The following MED13L variants were observed in gnomAD, a reference collection of about 807,000 sequenced individuals.
MED13L encodes the protein mediator complex subunit 13L.
MED13L carries 7 observed loss-of-function variants against 220.9 expected under a neutral mutation model. The observed-to-expected ratio is 0.03, with a 90% CI of 0.02 to 0.06. MED13L has a LOEUF of 0.06. Among genes scored for constraint, MED13L ranks in the 10% least tolerant of loss-of-function variants. MED13L has a pLI of 1.00. For missense variants in MED13L, 1,965 were observed against 2,760.5 expected (o/e 0.71, Z 6.46); for synonymous variants, 1,011 against 1,015.2 (o/e 1.00, Z 0.08).
intron 12 of MED13L, 134 bp downstream of exon 12, chr12:116,006,172 C>A: frequency 8.0e-7 from 1 of 1,253,658 alleles, no homozygotes; most frequent in Non-Finnish European, 1.1e-6. Flanking sequence ...AACTGAAAAA[C>A]AAACTATGAA....
At chr12:116,176,088 G>A (rs919462608) in intron 2 of MED13L, among the ~76,000 whole-genome samples, 1 of 152,124 alleles carries the variant, frequency 6.6e-6, no homozygotes, top group East Asian at 1.9e-4. Context: ...AAAAAAAGTG[G>A]ATCAGGAATA....
At position 116,188,157 on chromosome 12, in the gene MED13L, AGCT is replaced by A. The variant is rs530169265; in HGVS notation, c.310+49308_310+49310del. ...AAAAAAAAAATCACTGTCATGTCAC[AGCT>A]GCTATTATTAATCCTGAAAAGAAAT... On this transcript the variant is annotated intron_variant, in intron 2 of 30. Transcript: ENST00000281928. Among the ~76,000 whole-genome samples, 210 of 152,294 alleles carry A rather than the reference AGCT, an allele frequency of 1.4e-3. 3 individuals are homozygous for A. Among genetic ancestry groups the A allele is most frequent in the African/African-American group, 4.6e-3 (192 of 41,580 alleles).
At chr12:115,982,666 A>G in intron 21 of MED13L, 63 bp from the exon 22 acceptor site, 1 of 1,364,498 alleles carries the variant, frequency 7.3e-7, no homozygotes, top group Non-Finnish European at 1.0e-6. Flanking sequence ...CATGAAAAAC[A>G]AAAGGGCTCA....
At chr12:116,254,003 C>T (rs1233202038) in intron 1 of MED13L, among the ~76,000 whole-genome samples, 3 of 151,964 alleles carry the variant, frequency 2.0e-5, no homozygotes, top group Admixed American at 1.3e-4. Context: ...TCAAGTGATC[C>T]ACCCACCTCG....
At chr12:116,238,263 T>G (rs1163680347) in intron 1 of MED13L, among the ~76,000 whole-genome samples, 1 of 152,232 alleles carries the variant, frequency 6.6e-6, no homozygotes, top group Non-Finnish European at 1.5e-5. Context: ...ATCAGCAATT[T>G]ATTCATGTTT....
chr12:116,201,275 A>G (rs1401036795), intron 2 of MED13L, among the ~76,000 whole-genome samples: 1 of 152,200 alleles, frequency 6.6e-6, no homozygotes, highest in Non-Finnish European at 1.5e-5. Context: ...ACAAGATTAG[A>G]TCAGGTAAGC....
chr12:116,269,100 T>C (rs1284997395), intron 1 of MED13L, among the ~76,000 whole-genome samples: 1 of 152,148 alleles, frequency 6.6e-6, no homozygotes. Flanking sequence ...CGTTCTGTCA[T>C]CAGGCTGGAG....
intron 27 of MED13L, 29 bp from the exon 28 acceptor site, chr12:115,969,126 A>C: frequency 6.2e-7 from 1 of 1,607,952 alleles, no homozygotes; most frequent in Non-Finnish European, 8.5e-7. Context: ...AAAAAGCACA[A>C]AAATTAAAAA....
Position 115,960,617 on chromosome 12 carries a change from T to A in MED13L, c.*649A>T, listed in dbSNP as rs1314162241. The A allele has an allele frequency of 6.4e-6, 1 of 157,004 alleles. No homozygotes were observed. The highest frequency in any genetic ancestry group is 1.4e-5 in the Non-Finnish European group (1 of 70,618). 9.7% of individuals were successfully genotyped at this position (157,004 alleles called of 1,614,324 possible). ...GCTACTGTACCTGGTCCTTGTGAAT[T>A]AAAAAAATAAAGTCACAAAAACCAT... On this transcript the variant is annotated 3_prime_UTR_variant, in exon 31 of 31. Transcript: ENST00000281928.
intron 2 of MED13L, among the ~76,000 whole-genome samples, chr12:116,114,999 C>T (rs760441770): frequency 6.6e-6 from 1 of 152,114 alleles, no homozygotes; most frequent in Non-Finnish European, 1.5e-5. Context: ...AAACAAACTA[C>T]AGAATCAACT....
intron 1 of MED13L, among the ~76,000 whole-genome samples, chr12:116,250,423 A>G (rs1871436065): frequency 6.6e-6 from 1 of 151,904 alleles, no homozygotes; most frequent in African/African-American, 2.4e-5. Flanking sequence ...TCTACACAAA[A>G]GAAGAACAAT....
intron 2 of MED13L, among the ~76,000 whole-genome samples, chr12:116,166,792 A>G (rs1207290267): frequency 3.3e-5 from 5 of 152,242 alleles, no homozygotes; most frequent in Admixed American, 6.5e-5. Context: ...AGTGCTTACT[A>G]TAGTGGCTGG....
chr12:116,065,594 T>C (rs1244088469), intron 4 of MED13L, among the ~76,000 whole-genome samples: 5 of 152,212 alleles, frequency 3.3e-5, no homozygotes, highest in East Asian at 1.9e-4. Flanking sequence ...AAACAGTTTA[T>C]AAGATTCTGA....
At chr12:115,984,667 T>A (rs761019056) in intron 19 of MED13L, among the ~76,000 whole-genome samples, 1 of 152,260 alleles carries the variant, frequency 6.6e-6, no homozygotes, top group Admixed American at 6.5e-5. Context: ...ACTACCTGAT[T>A]GCTAACGGAC....
intron 2 of MED13L, among the ~76,000 whole-genome samples, chr12:116,160,757 A>AT (rs112094891): frequency 0.013 from 1,830 of 140,288 alleles, 20 homozygotes; most frequent in South Asian, 0.056. Flanking sequence ...TTTATTTTTT[A>AT]TTTTTTTTTT....
At chr12:116,070,193 T>A (rs1212533241) in intron 4 of MED13L, among the ~76,000 whole-genome samples, 1 of 152,138 alleles carries the variant, frequency 6.6e-6, no homozygotes, top group African/African-American at 2.4e-5. Context: ...CTAACTGTAA[T>A]CCCAACACAC....
intron 2 of MED13L, among the ~76,000 whole-genome samples, chr12:116,143,340 A>AC (rs1877242525): frequency 6.6e-6 from 1 of 152,004 alleles, no homozygotes; most frequent in Non-Finnish European, 1.5e-5. Flanking sequence ...CAAAAAAAAA[A>AC]AAAAAAGAGG....
intron 4 of MED13L, among the ~76,000 whole-genome samples, chr12:116,077,626 C>T (rs1243360821): frequency 6.6e-6 from 1 of 152,120 alleles, no homozygotes; most frequent in African/African-American, 2.4e-5. Context: ...TACATATGCA[C>T]AGACTAATCT....
At chr12:116,029,924 G>T (rs1173357074) in intron 4 of MED13L, among the ~76,000 whole-genome samples, 4 of 152,044 alleles carry the variant, frequency 2.6e-5, no homozygotes, top group Non-Finnish European at 4.4e-5. Context: ...TCAAAGAAAT[G>T]ATGATATACA....
Sources: allele counts gnomAD v4.1 joint callset (sites outside exome capture counted in the v4.1 genomes callset), GRCh38; gene constraint gnomAD v4.1.1; transcripts MANE v1.5; gene names NCBI Gene and HGNC (gene_info 2026-07-23, HGNC 2026-07-21).